Variants in BPNT1 observed in about 807,000 individuals in gnomAD.
BPNT1 encodes 3'(2'), 5'-bisphosphate nucleotidase 1.
In BPNT1, 28 loss-of-function variants were observed where a neutral mutation model predicts 36.9. The observed-to-expected ratio is 0.76, with a 90% CI of 0.56 to 1.04. The LOEUF (loss-of-function observed/expected upper bound fraction) is 1.04, where lower values mean the gene tolerates loss of function less well. Ranked by LOEUF, BPNT1 falls within the 50% of genes least tolerant of loss-of-function variation. The pLI is 0.00. For synonymous variants in BPNT1, 119 were observed against 130.9 expected, an observed-to-expected ratio of 0.91 and a Z score of 0.62; for missense variants, 313 against 372.9, an observed-to-expected ratio of 0.84 and a Z score of 1.32.
chr1:220,074,009 T>C lies in BPNT1; in HGVS notation c.183A>G (p.Ser61=), dbSNP rs770771610. 7 of 1,614,054 alleles carry C rather than the reference T, an allele frequency of 4.3e-6. No individual in the cohort carries two copies. The highest frequency in any genetic ancestry group is 1.3e-5 in the African/African-American group (1 of 74,938). The part of the protein sequence containing the change: ...DRLAQMSICS[S]LARKFPKLTI... Reference sequence around the variant, plus strand: ...TGAGTTTGGGGAATTTCCGGGCCAATGAAGAACATATGCTCATCTGTGCCA... The same window carrying C: ...TGAGTTTGGGGAATTTCCGGGCCAACGAAGAACATATGCTCATCTGTGCCA... Residue 61 remains serine (S), a synonymous_variant, in exon 3 of 9, where the codon TCA becomes TCG. Coordinates refer to ENST00000322067, the MANE Select transcript of BPNT1 (RefSeq NM_006085.6).
intron 1 of BPNT1, among the ~76,000 whole-genome samples, chr1:220,083,809 T>A (rs1014335771): frequency 5.9e-5 from 9 of 152,178 alleles, no homozygotes; most frequent in Non-Finnish European, 8.8e-5. Flanking sequence ...TGAGTTTTCA[T>A]CTATGAGTGT....
chr1:220,069,464 A>G (rs1462532193), intron 4 of BPNT1, 32 bp from the exon 5 acceptor site: 1 of 1,549,740 alleles, frequency 6.5e-7, no homozygotes, highest in South Asian at 1.2e-5. Context: ...GAAAATATCT[A>G]AATCAAGCAC....
At chr1:220,074,974 T>C (rs1308725410) in intron 2 of BPNT1, among the ~76,000 whole-genome samples, 2 of 148,938 alleles carry the variant, frequency 1.3e-5, no homozygotes, top group Non-Finnish European at 3.0e-5. Context: ...CAGAGCCTTA[T>C]GATATGTTGC....
At chr1:220,073,890 T>C in intron 3 of BPNT1, 77 bp downstream of exon 3, 2 of 1,202,706 alleles carry the variant, frequency 1.7e-6, no homozygotes, top group East Asian at 2.3e-5. Flanking sequence ...AATAGTGGTA[T>C]ATAAATCATT....
chr1:220,082,077 T>TAGAG (rs1192320961), intron 1 of BPNT1, among the ~76,000 whole-genome samples: 32 of 110,262 alleles, frequency 2.9e-4, no homozygotes, highest in African/African-American at 9.8e-4. Context: ...TATATATATA[T>TAGAG]ATATATATAG....
At chr1:220,073,879 T>A in intron 3 of BPNT1, 88 bp downstream of exon 3, 1 of 1,099,220 alleles carries the variant, frequency 9.1e-7, no homozygotes, top group Non-Finnish European at 1.4e-6. Flanking sequence ...CTTAAAATCA[T>A]AATAGTGGTA....
At chr1:220,082,145 TGA>T (rs1491581292) in intron 1 of BPNT1, among the ~76,000 whole-genome samples, 3 of 144,572 alleles carry the variant, frequency 2.1e-5, no homozygotes, top group Non-Finnish European at 4.5e-5. Context: ...AAAATATATA[TGA>T]TATATATGTA....
In BPNT1 at chr1:220,058,151, A is replaced by G. The variant is rs1223349520; in HGVS notation, c.*693T>C. On this transcript the variant is annotated 3_prime_UTR_variant, in exon 9 of 9. Coordinates refer to ENST00000322067, the MANE Select transcript of BPNT1 (RefSeq NM_006085.6). ...AGATCACGCCACTACATTCTAGCCTAGGCTACAGAGCGAGACTCCGTCTCA... is the reference window on the plus strand; with the variant it reads ...AGATCACGCCACTACATTCTAGCCTGGGCTACAGAGCGAGACTCCGTCTCA... 3 of 980,440 alleles carry G rather than the reference A, an allele frequency of 3.1e-6. No individual in the cohort carries two copies. The highest frequency in any genetic ancestry group is 3.7e-6 in the Non-Finnish European group (3 of 813,866). 60.7% of individuals were successfully genotyped at this position (980,440 alleles called of 1,614,324 possible). A position where few individuals can be genotyped will look rare whatever the true frequency, so the allele number is the denominator to read the frequency against.
In BPNT1 at chr1:220,058,534, G is replaced by GTTTT; in HGVS notation, c.*306_*309dup. On this transcript the variant is annotated 3_prime_UTR_variant, in exon 9 of 9. Coordinates refer to ENST00000322067, the MANE Select transcript of BPNT1 (RefSeq NM_006085.6). ...AACTTTAAGTACTTTTTGGGTTTTT[G>GTTTT]TTTTTTTTTTTTCTGAGACAGGGCT... 2 of 851,240 alleles carry GTTTT rather than the reference G, an allele frequency of 2.3e-6. No homozygotes were observed. The highest frequency in any genetic ancestry group is 2.8e-6 in the Non-Finnish European group (2 of 705,494). 52.7% of individuals were successfully genotyped at this position (851,240 alleles called of 1,614,324 possible). A position where few individuals can be genotyped will look rare whatever the true frequency, so the allele number is the denominator to read the frequency against.
intron 7 of BPNT1, 50 bp downstream of exon 7, chr1:220,062,707 T>C: frequency 6.3e-7 from 1 of 1,583,686 alleles, no homozygotes; most frequent in Non-Finnish European, 8.7e-7. Flanking sequence ...AAGTTGAGTA[T>C]TTCAATGATT....
At chr1:220,067,727 C>T (rs1487715156) in intron 5 of BPNT1, among the ~76,000 whole-genome samples, 1 of 152,244 alleles carries the variant, frequency 6.6e-6, no homozygotes, top group African/African-American at 2.4e-5. Flanking sequence ...TGCCGAATCA[C>T]TTTATATTCC....
At chr1:220,063,216 T>C (rs2102641047) in intron 6 of BPNT1, among the ~76,000 whole-genome samples, 1 of 151,996 alleles carries the variant, frequency 6.6e-6, no homozygotes, top group East Asian at 1.9e-4. Context: ...GGCATGGTGG[T>C]GGGTGCCTGT....
At chr1:220,078,577 A>G (rs999957620) in intron 2 of BPNT1, among the ~76,000 whole-genome samples, 7 of 132,618 alleles carry the variant, frequency 5.3e-5, no homozygotes, top group African/African-American at 1.4e-4. Flanking sequence ...TATATTATAT[A>G]TGTATATAAT....
intron 6 of BPNT1, among the ~76,000 whole-genome samples, chr1:220,063,165 G>A (rs113725800): frequency 9.2e-4 from 140 of 152,268 alleles, no homozygotes; most frequent in African/African-American, 3.3e-3. Flanking sequence ...TGGCTAACAC[G>A]GTGAAACCCC....
chr1:220,069,800 G>A (rs1189540715), intron 4 of BPNT1, among the ~76,000 whole-genome samples: 1 of 152,080 alleles, frequency 6.6e-6, no homozygotes, highest in East Asian at 1.9e-4. Context: ...GCCGGGCGTG[G>A]TGGTGGGTGG....
rs186219835 is a variant in BPNT1, at chr1:220,073,713, A to G, written c.225+254T>C. Reference sequence around the variant, plus strand: ...AGTTCTAGATCTCTGCCCATCTTACAGTTTGTATGCTGGGTATAACAGTAA... The same window carrying G: ...AGTTCTAGATCTCTGCCCATCTTACGGTTTGTATGCTGGGTATAACAGTAA... On this transcript the variant is annotated intron_variant, in intron 3 of 8. Transcript: ENST00000322067. Among the ~76,000 whole-genome samples, 3 of 152,300 alleles carry G rather than the reference A, an allele frequency of 2.0e-5. No individual in the cohort carries two copies. The East Asian group carries it at 5.8e-4, about 29-fold the overall frequency.
At chr1:220,061,893 T>A (rs1176604589) in intron 7 of BPNT1, among the ~76,000 whole-genome samples, 1 of 151,908 alleles carries the variant, frequency 6.6e-6, no homozygotes, top group African/African-American at 2.4e-5. Context: ...ATGGGGGAAA[T>A]AGATAGGAAG....
At chr1:220,088,563 G>A (rs778280495) in intron 1 of BPNT1, among the ~76,000 whole-genome samples, 2 of 151,682 alleles carry the variant, frequency 1.3e-5, no homozygotes, top group South Asian at 4.2e-4. Context: ...GCCAAGGCTG[G>A]TGTATTGCTT....
At chr1:220,062,451 C>T (rs934964329) in intron 7 of BPNT1, among the ~76,000 whole-genome samples, 1 of 152,044 alleles carries the variant, frequency 6.6e-6, no homozygotes, top group Non-Finnish European at 1.5e-5. Context: ...ATTTCATCCA[C>T]GTCCTTACAA....
Sources: allele counts gnomAD v4.1 joint callset (sites outside exome capture counted in the v4.1 genomes callset), GRCh38; gene constraint gnomAD v4.1.1; transcripts MANE v1.5; gene names NCBI Gene and HGNC (gene_info 2026-07-23, HGNC 2026-07-21).